The following C8orf34 variants were observed in gnomAD, a reference collection of about 807,000 sequenced individuals.
C8orf34 encodes the protein uncharacterized protein C8orf34.
In C8orf34, 65 loss-of-function variants were observed where a neutral mutation model predicts 68.3. That is an observed-to-expected ratio of 0.95 (90% CI 0.78 to 1.17). The LOEUF (loss-of-function observed/expected upper bound fraction) is 1.17, where lower values mean the gene tolerates loss of function less well. C8orf34 is among the 50% of genes most tolerant of loss of function. The pLI is 0.00. For missense variants in C8orf34, 664 were observed against 655.4 expected, an observed-to-expected ratio of 1.01 and a Z score of -0.14; for synonymous variants, 244 against 241.2, an observed-to-expected ratio of 1.01 and a Z score of -0.11.
intron 7 of C8orf34, among the ~76,000 whole-genome samples, chr8:68,546,702 A>T (rs1267431964): frequency 6.6e-6 from 1 of 151,894 alleles, no homozygotes; most frequent in Non-Finnish European, 1.5e-5. Flanking sequence ...AGTGCAGATG[A>T]AATGTTTATA....
In C8orf34 at chr8:68,461,185, G is replaced by A. The variant is rs148141753; in HGVS notation, c.608-7507G>A. 3.7e-4 allele frequency among the ~76,000 whole-genome samples: 57 copies of A among 152,314 alleles called. 2 individuals carry two copies. In the East Asian group the frequency reaches 9.3e-3, roughly 25 times the overall value. Reference sequence around the variant, plus strand: ...CCAATGCGATCAACTGGAAGAAAGCGTATCAGTGATGGAAGACGAAATGAA... The same window carrying A: ...CCAATGCGATCAACTGGAAGAAAGCATATCAGTGATGGAAGACGAAATGAA... On this transcript the variant is annotated intron_variant, in intron 3 of 13. Coordinates refer to ENST00000518698, the MANE Select transcript of C8orf34 (RefSeq NM_052958.4).
At chr8:68,662,566 T>C (rs1819713587) in intron 8 of C8orf34, among the ~76,000 whole-genome samples, 1 of 152,198 alleles carries the variant, frequency 6.6e-6, no homozygotes, top group Non-Finnish European at 1.5e-5. Context: ...CCTGCTGCCA[T>C]GTACGATGTG....
chr8:68,564,930 C>A (rs1474804701), intron 7 of C8orf34, among the ~76,000 whole-genome samples: 2 of 152,154 alleles, frequency 1.3e-5, no homozygotes, highest in Admixed American at 6.5e-5. Context: ...GAGGAGGAAG[C>A]CGACTCTGCT....
At chr8:68,726,134 C>T (rs1444377266) in intron 10 of C8orf34, among the ~76,000 whole-genome samples, 1 of 152,156 alleles carries the variant, frequency 6.6e-6, no homozygotes, top group African/African-American at 2.4e-5. Context: ...GACTTAAACT[C>T]CTAGCCTCAA....
intron 6 of C8orf34, chr8:68,525,617 T>C (rs1268159404): frequency 1.6e-5 from 13 of 789,308 alleles, no homozygotes; most frequent in Non-Finnish European, 2.4e-5. Context: ...GAAACCGAAC[T>C]GGTCAGATGG....
intron 9 of C8orf34, among the ~76,000 whole-genome samples, chr8:68,720,615 AAAG>A (rs1370091239): frequency 2.0e-5 from 3 of 151,970 alleles, no homozygotes; most frequent in South Asian, 2.1e-4. Flanking sequence ...TTTAATTTGA[AAAG>A]AAGGAGTTCA....
At chr8:68,450,932 A>G (rs371193500) in intron 3 of C8orf34, among the ~76,000 whole-genome samples, 2 of 152,140 alleles carry the variant, frequency 1.3e-5, no homozygotes, top group Admixed American at 6.6e-5. Context: ...CTCTCTAGCT[A>G]TGAAAGTCCT....
rs180738395 is a variant in C8orf34, at chr8:68,662,088, G to T, written c.1241+21577G>T. 1.4e-4 allele frequency among the ~76,000 whole-genome samples: 22 copies of T among 152,262 alleles called. No individual in the cohort carries two copies. The East Asian group carries it at 4.1e-3, about 28-fold the overall frequency. ...CAGACGATTGAAGTTTTTACAACAT[G>T]CTGAGCTGCAGACAGGAATAGGGCT... On this transcript the variant is annotated intron_variant, in intron 8 of 13. Coordinates refer to ENST00000518698, the MANE Select transcript of C8orf34 (RefSeq NM_052958.4).
intron 5 of C8orf34, among the ~76,000 whole-genome samples, chr8:68,513,903 G>GT (rs945144910): frequency 6.6e-6 from 1 of 152,034 alleles, no homozygotes; most frequent in African/African-American, 2.4e-5. Context: ...GTGATGAGGG[G>GT]TGGGGGTATG....
chr8:68,654,525 A>C (rs988005226), intron 8 of C8orf34, among the ~76,000 whole-genome samples: 9 of 152,190 alleles, frequency 5.9e-5, no homozygotes, highest in African/African-American at 2.2e-4. Flanking sequence ...TCAGGGCCTC[A>C]ACATTGCTAA....
intron 1 of C8orf34, among the ~76,000 whole-genome samples, chr8:68,435,062 A>C (rs983677379): frequency 2.0e-5 from 3 of 151,230 alleles, no homozygotes; most frequent in Admixed American, 2.0e-4. Context: ...AAAAAAAAAA[A>C]AGAGAATATT....
intron 1 of C8orf34, among the ~76,000 whole-genome samples, chr8:68,432,836 CA>C (rs1180383740): frequency 6.6e-6 from 1 of 151,982 alleles, no homozygotes; most frequent in African/African-American, 2.4e-5. Context: ...TGTTTCTTAC[CA>C]AAGCCAAAAC....
At chr8:68,603,348 C>T (rs1355465951) in intron 7 of C8orf34, among the ~76,000 whole-genome samples, 1 of 152,012 alleles carries the variant, frequency 6.6e-6, no homozygotes, top group African/African-American at 2.4e-5. Context: ...TATTCCTCTC[C>T]CAGGTATATG....
chr8:68,404,790 T>A (rs565714363), intron 1 of C8orf34, among the ~76,000 whole-genome samples: 1 of 152,254 alleles, frequency 6.6e-6, no homozygotes, highest in South Asian at 2.1e-4. Context: ...TGTAGTATAG[T>A]TTGAAGTCAG....
At chr8:68,515,969 G>A (rs1394708303) in intron 5 of C8orf34, among the ~76,000 whole-genome samples, 1 of 152,198 alleles carries the variant, frequency 6.6e-6, no homozygotes, top group Non-Finnish European at 1.5e-5. Flanking sequence ...TGTGTATATT[G>A]ATGTGTATAG....
chr8:68,402,601 C>T (rs1809008085), intron 1 of C8orf34, among the ~76,000 whole-genome samples: 1 of 152,018 alleles, frequency 6.6e-6, no homozygotes, highest in Non-Finnish European at 1.5e-5. Context: ...TGTTATATTG[C>T]ATTTCTATTT....
At chr8:68,611,303 A>G (rs1333681778) in intron 7 of C8orf34, among the ~76,000 whole-genome samples, 1 of 152,152 alleles carries the variant, frequency 6.6e-6, no homozygotes, top group East Asian at 1.9e-4. Flanking sequence ...TTTACATGAA[A>G]CATAGGACTG....
chr8:68,390,802 AG>A (rs527802664), intron 1 of C8orf34, among the ~76,000 whole-genome samples: 79 of 152,234 alleles, frequency 5.2e-4, no homozygotes, highest in African/African-American at 1.9e-3. Flanking sequence ...AGTTATTTTA[AG>A]GAATTGGCTC....
chr8:68,534,304 A>G lies in C8orf34; in HGVS notation c.1105+1155A>G, dbSNP rs1054002997. On this transcript the variant is annotated intron_variant, in intron 7 of 13. Transcript: ENST00000518698. ...CAATTGGGTCTTTTCCTCACCTCCA[A>G]ATCATTAACATGGCAGACGTGCCCT... The G allele has an allele frequency of 3.0e-6, 3 of 985,228 alleles. No individual in the cohort carries two copies. The African/African-American group carries it at 5.2e-5, about 17-fold the overall frequency. The allele number at this position is 985,228 out of a possible 1,614,324, so 61.0% of individuals were successfully genotyped here.
Sources: allele counts gnomAD v4.1 joint callset (sites outside exome capture counted in the v4.1 genomes callset), GRCh38; gene constraint gnomAD v4.1.1; transcripts MANE v1.5; gene names NCBI Gene and HGNC (gene_info 2026-07-23, HGNC 2026-07-21).